The following DPP10 variants were observed in gnomAD, a reference collection of about 807,000 sequenced individuals.
DPP10 encodes inactive dipeptidyl peptidase 10.
DPP10 carries 33 observed loss-of-function variants against 120.9 expected under a neutral mutation model. The observed-to-expected ratio is 0.27, with a 90% CI of 0.21 to 0.37. The LOEUF is 0.37. Among genes scored for constraint, DPP10 ranks in the 10% least tolerant of loss-of-function variants. The pLI is 1.00. For missense variants in DPP10, 816 were observed against 942.8 expected, an observed-to-expected ratio of 0.87 and a Z score of 1.76; for synonymous variants, 337 against 326.1, an observed-to-expected ratio of 1.03 and a Z score of -0.36.
chr2:115,351,785 C>A (rs1343519959), intron 3 of DPP10, among the ~76,000 whole-genome samples: 5 of 151,844 alleles, frequency 3.3e-5, no homozygotes, highest in Admixed American at 3.3e-4. Flanking sequence ...CTCCAAATGA[C>A]CAAAAATGTT....
At chr2:114,625,975 A>G (rs1694476534) in intron 1 of DPP10, among the ~76,000 whole-genome samples, 1 of 151,556 alleles carries the variant, frequency 6.6e-6, no homozygotes, top group Non-Finnish European at 1.5e-5. Flanking sequence ...AGGTCTTTAC[A>G]TTGACAGAGC....
intron 1 of DPP10, among the ~76,000 whole-genome samples, chr2:115,112,516 A>G (rs1030041503): frequency 6.6e-6 from 1 of 152,154 alleles, no homozygotes; most frequent in Admixed American, 6.6e-5. Flanking sequence ...AACTCCTGCT[A>G]ATTAACATAT....
intron 1 of DPP10, among the ~76,000 whole-genome samples, chr2:115,034,766 C>G (rs757376075): frequency 3.9e-5 from 6 of 152,214 alleles, no homozygotes; most frequent in Non-Finnish European, 7.3e-5. Flanking sequence ...ACTGAACTCC[C>G]GTCATGACAA....
At chr2:115,672,231 T>C (rs1253750267) in intron 5 of DPP10, among the ~76,000 whole-genome samples, 1 of 152,156 alleles carries the variant, frequency 6.6e-6, no homozygotes, top group Non-Finnish European at 1.5e-5. Flanking sequence ...GATAAAGTCT[T>C]TGTTATGTTG....
In DPP10 at chr2:115,309,438, T is replaced by C. The variant is rs2106024294; in HGVS notation, c.175+85T>C. ...CAAATGCCTTAAGAGGGTAGCAATA[T>C]GTGGTATCTTAGGGCACATTAGCAT... On this transcript the variant is annotated intron_variant, in intron 2 of 25. Transcript: ENST00000410059. 6 of 1,344,856 alleles carry C rather than the reference T, an allele frequency of 4.5e-6. No homozygotes were observed. In the East Asian group the frequency reaches 1.4e-4, roughly 32 times the overall value. The allele number at this position is 1,344,856 out of a possible 1,614,324, so 83.3% of individuals were successfully genotyped here. A position where few individuals can be genotyped will look rare whatever the true frequency, so the allele number is the denominator to read the frequency against.
intron 2 of DPP10, among the ~76,000 whole-genome samples, chr2:115,323,131 A>G (rs888809504): frequency 2.6e-5 from 4 of 152,210 alleles, no homozygotes; most frequent in Non-Finnish European, 5.9e-5. Context: ...ACCTTCTTTC[A>G]AAATGGGAGT....
intron 3 of DPP10, among the ~76,000 whole-genome samples, chr2:115,359,034 A>G (rs1356210912): frequency 2.6e-5 from 4 of 152,150 alleles, no homozygotes; most frequent in Non-Finnish European, 5.9e-5. Context: ...GTTGTTGCAT[A>G]TGAGATGGGT....
chr2:114,637,567 T>G (rs1163737443), intron 1 of DPP10, among the ~76,000 whole-genome samples: 1 of 151,990 alleles, frequency 6.6e-6, no homozygotes, highest in Non-Finnish European at 1.5e-5. Context: ...CCAAGGCTGA[T>G]GTCAAGAAGG....
At chr2:115,328,648 A>G (rs1390781600) in intron 2 of DPP10, among the ~76,000 whole-genome samples, 3 of 152,020 alleles carry the variant, frequency 2.0e-5, no homozygotes, top group Non-Finnish European at 4.4e-5. Context: ...GTATGTGTAG[A>G]GCTTCAAATA....
At chr2:114,527,517 A>G (rs1466118112) in intron 1 of DPP10, among the ~76,000 whole-genome samples, 1 of 152,140 alleles carries the variant, frequency 6.6e-6, no homozygotes, top group Admixed American at 6.5e-5. Context: ...ATCTAGTTTG[A>G]CAGTATTAAC....
At chr2:115,236,257 G>A (rs1393919403) in intron 1 of DPP10, among the ~76,000 whole-genome samples, 4 of 152,154 alleles carry the variant, frequency 2.6e-5, no homozygotes, top group African/African-American at 2.4e-5. Flanking sequence ...TTGTTCTAAC[G>A]TCACGTTGGT....
intron 1 of DPP10, chr2:115,161,629 C>G (rs924342668): frequency 3.0e-4 from 68 of 228,330 alleles, no homozygotes; most frequent in African/African-American, 1.2e-3. Flanking sequence ...CGCCGCAGCT[C>G]GGTCAGGGGC....
intron 24 of DPP10, among the ~76,000 whole-genome samples, chr2:115,838,175 TAAAG>T (rs906478127): frequency 1.3e-5 from 2 of 152,118 alleles, no homozygotes; most frequent in African/African-American, 4.8e-5. Flanking sequence ...AATAGTCTAT[TAAAG>T]AAAGAGGTAG....
chr2:114,491,814 A>G (rs1273442893), intron 1 of DPP10, among the ~76,000 whole-genome samples: 2 of 152,196 alleles, frequency 1.3e-5, no homozygotes, highest in South Asian at 2.1e-4. Flanking sequence ...AATTTAAAGA[A>G]CATTCTTAGA....
At chr2:115,252,200 G>A (rs761669081) in intron 1 of DPP10, among the ~76,000 whole-genome samples, 3 of 151,964 alleles carry the variant, frequency 2.0e-5, no homozygotes, top group African/African-American at 4.8e-5. Context: ...AGATACTCTC[G>A]TGAATTTCAT....
At chr2:114,879,668 T>C (rs1477585352) in intron 1 of DPP10, among the ~76,000 whole-genome samples, 1 of 151,942 alleles carries the variant, frequency 6.6e-6, no homozygotes, top group Non-Finnish European at 1.5e-5. Flanking sequence ...GGTGTCTTTG[T>C]GGTGATTGAA....
At chr2:115,761,864 T>C (rs1425219905) in intron 11 of DPP10, among the ~76,000 whole-genome samples, 2 of 152,170 alleles carry the variant, frequency 1.3e-5, no homozygotes, top group African/African-American at 4.8e-5. Context: ...TTATCTTTCT[T>C]AATTTGAATA....
At chr2:115,609,655 C>G (rs972998208) in intron 5 of DPP10, among the ~76,000 whole-genome samples, 3 of 152,054 alleles carry the variant, frequency 2.0e-5, no homozygotes, top group Non-Finnish European at 1.5e-5. Flanking sequence ...CATTTCCATT[C>G]TACTAGTAGA....
At chr2:115,339,058 C>A (rs1388049360) in intron 2 of DPP10, among the ~76,000 whole-genome samples, 1 of 152,128 alleles carries the variant, frequency 6.6e-6, no homozygotes, top group Non-Finnish European at 1.5e-5. Flanking sequence ...ACGTATCTGA[C>A]AAAGCATTTG....
Sources: allele counts gnomAD v4.1 joint callset (sites outside exome capture counted in the v4.1 genomes callset), GRCh38; gene constraint gnomAD v4.1.1; transcripts MANE v1.5; gene names NCBI Gene and HGNC (gene_info 2026-07-23, HGNC 2026-07-21).